The following MARCHF1 variants were observed in gnomAD, a reference collection of about 807,000 sequenced individuals.
The protein encoded by MARCHF1 is E3 ubiquitin-protein ligase MARCHF1.
In MARCHF1, 40 loss-of-function variants were observed where a neutral mutation model predicts 54.2. The ratio of observed to expected loss-of-function variants is 0.74; its 90% CI spans 0.57 to 0.96. MARCHF1 has a LOEUF of 0.96. MARCHF1 is among the 40% of genes least tolerant of loss of function. The probability of loss-of-function intolerance (pLI) is 0.00; values close to 1 mark genes in which losing one functional copy is unlikely to be tolerated. For missense variants in MARCHF1, 586 were observed against 656.5 expected (o/e 0.89, Z 1.17); for synonymous variants, 236 against 236.3 (o/e 1.00, Z 0.01).
At chr4:163,564,301 T>A (rs546382351) in intron 8 of MARCHF1, among the ~76,000 whole-genome samples, 2 of 152,240 alleles carry the variant, frequency 1.3e-5, no homozygotes, top group South Asian at 2.1e-4. Flanking sequence ...ATCACAATAA[T>A]GGAAAGAAAA....
intron 4 of MARCHF1, among the ~76,000 whole-genome samples, chr4:163,823,739 C>A (rs147891384): frequency 6.6e-6 from 1 of 151,640 alleles, no homozygotes; most frequent in African/African-American, 2.4e-5. Flanking sequence ...TAGTAATTAA[C>A]GTATGCTAAA....
chr4:164,342,457 T>C (rs1729956509), intron 1 of MARCHF1, among the ~76,000 whole-genome samples: 1 of 151,906 alleles, frequency 6.6e-6, no homozygotes, highest in Non-Finnish European at 1.5e-5. Flanking sequence ...ATTACCAACA[T>C]GGCACATGTA....
In MARCHF1 at chr4:163,892,758, C is replaced by G. The variant is rs550061417; in HGVS notation, c.-38-38589G>C. Reference sequence around the variant, plus strand: ...ATTTAAAAGGACATTATATCAAGAGCTGGTAAGGGTCTGAAGGTTCATCTG... The same window carrying G: ...ATTTAAAAGGACATTATATCAAGAGGTGGTAAGGGTCTGAAGGTTCATCTG... On this transcript the variant is annotated intron_variant, in intron 3 of 9. Transcript: ENST00000514618. 1.1e-4 allele frequency among the ~76,000 whole-genome samples: 16 copies of G among 151,996 alleles called. 1 individual carries two copies. Among genetic ancestry groups the G allele is most frequent in the Admixed American group, 5.2e-4 (8 of 15,262 alleles).
chr4:164,050,645 C>G (rs1754344408), intron 2 of MARCHF1, among the ~76,000 whole-genome samples: 1 of 152,112 alleles, frequency 6.6e-6, no homozygotes, highest in Non-Finnish European at 1.5e-5. Flanking sequence ...AGGTCCACAG[C>G]AGACCTAGTG....
chr4:163,747,903 G>A (rs1746407373), intron 4 of MARCHF1, among the ~76,000 whole-genome samples: 1 of 152,210 alleles, frequency 6.6e-6, no homozygotes, highest in Non-Finnish European at 1.5e-5. Flanking sequence ...AGAGCAGCTA[G>A]GTGACTGTCT....
At chr4:164,051,974 C>T (rs1754378537) in intron 2 of MARCHF1, among the ~76,000 whole-genome samples, 1 of 152,046 alleles carries the variant, frequency 6.6e-6, no homozygotes, top group South Asian at 2.1e-4. Flanking sequence ...TGCTACAATG[C>T]TACAAGATTT....
chr4:164,015,519 G>A (rs1487731489), intron 2 of MARCHF1, among the ~76,000 whole-genome samples: 1 of 152,078 alleles, frequency 6.6e-6, no homozygotes. Flanking sequence ...TGAAAAGACA[G>A]CATACAGAAT....
At chr4:163,975,342 C>T (rs888909644) in intron 3 of MARCHF1, among the ~76,000 whole-genome samples, 1 of 152,078 alleles carries the variant, frequency 6.6e-6, no homozygotes, top group Non-Finnish European at 1.5e-5. Flanking sequence ...AAGTTTAGAA[C>T]ACTCTCACTT....
chr4:164,320,438 A>G (rs964989673), intron 1 of MARCHF1, among the ~76,000 whole-genome samples: 1 of 152,154 alleles, frequency 6.6e-6, no homozygotes, highest in Non-Finnish European at 1.5e-5. Flanking sequence ...CAAGGCGACT[A>G]AAGTCACAGA....
intron 1 of MARCHF1, among the ~76,000 whole-genome samples, chr4:164,235,660 C>G (rs1441960053): frequency 1.3e-5 from 2 of 151,990 alleles, no homozygotes; most frequent in East Asian, 3.9e-4. Flanking sequence ...TGTATGTGCT[C>G]ACTTATAAGT....
chr4:164,101,491 C>A (rs1437056972), intron 2 of MARCHF1, among the ~76,000 whole-genome samples: 2 of 125,950 alleles, frequency 1.6e-5, no homozygotes, highest in African/African-American at 2.8e-5. Context: ...AGGCACCCCC[C>A]AGCAGGGGCA....
chr4:163,850,651 G>A (rs1399077379), intron 4 of MARCHF1, among the ~76,000 whole-genome samples: 1 of 152,170 alleles, frequency 6.6e-6, no homozygotes, highest in Non-Finnish European at 1.5e-5. Flanking sequence ...GGGCAGAAAG[G>A]AAACTGATTT....
At chr4:164,075,761 G>C (rs1470162475) in intron 2 of MARCHF1, among the ~76,000 whole-genome samples, 2 of 152,130 alleles carry the variant, frequency 1.3e-5, no homozygotes, top group Non-Finnish European at 2.9e-5. Context: ...GCCCAAGGTA[G>C]GGTTGCAGTC....
intron 5 of MARCHF1, among the ~76,000 whole-genome samples, chr4:163,654,214 T>C (rs1743064135): frequency 6.6e-6 from 1 of 151,766 alleles, no homozygotes; most frequent in South Asian, 2.1e-4. Flanking sequence ...CATTGAAACA[T>C]GATGGTAGAA....
At chr4:164,097,096 G>T (rs924013873) in intron 2 of MARCHF1, among the ~76,000 whole-genome samples, 1 of 152,066 alleles carries the variant, frequency 6.6e-6, no homozygotes, top group African/African-American at 2.4e-5. Context: ...AATAATGTAA[G>T]GCTTGTTATA....
At chr4:163,626,133 A>G (rs74982357) in intron 5 of MARCHF1, among the ~76,000 whole-genome samples, 2,502 of 152,318 alleles carry the variant, frequency 0.016, 74 homozygotes, top group African/African-American at 0.052. Context: ...AAATGGGAAA[A>G]ACAAACAGGA....
intron 3 of MARCHF1, among the ~76,000 whole-genome samples, chr4:163,884,575 T>C (rs1750488782): frequency 6.6e-6 from 1 of 152,190 alleles, no homozygotes; most frequent in South Asian, 2.1e-4. Context: ...AAGTCCCTAG[T>C]TCAAAGTCTC....
chr4:163,538,327 A>ATT (rs199916398), intron 9 of MARCHF1, among the ~76,000 whole-genome samples: 1 of 56,802 alleles, frequency 1.8e-5, no homozygotes, highest in Admixed American at 1.5e-4. Flanking sequence ...AAAATTTATA[A>ATT]ATTTTTTTTT....
chr4:164,028,754 C>T (rs1315295750), intron 2 of MARCHF1, among the ~76,000 whole-genome samples: 2 of 152,092 alleles, frequency 1.3e-5, no homozygotes, highest in Admixed American at 6.6e-5. Context: ...AAAAAAAACA[C>T]TTCCTTAGTT....
Sources: allele counts gnomAD v4.1 joint callset (sites outside exome capture counted in the v4.1 genomes callset), GRCh38; gene constraint gnomAD v4.1.1; transcripts MANE v1.5; gene names NCBI Gene and HGNC (gene_info 2026-07-23, HGNC 2026-07-21).